The following SMOC2 variants were observed in gnomAD, a reference collection of about 807,000 sequenced individuals.
The protein encoded by SMOC2 is SPARC-related modular calcium-binding protein 2.
In SMOC2, 39 loss-of-function variants were observed where a neutral mutation model predicts 61.4. That is an observed-to-expected ratio of 0.64 (90% CI 0.49 to 0.83). The LOEUF (loss-of-function observed/expected upper bound fraction) is 0.83, where lower values mean the gene tolerates loss of function less well. Among genes scored for constraint, SMOC2 ranks in the 40% least tolerant of loss-of-function variants. The pLI is 0.00. For missense variants in SMOC2, 556 were observed against 592.9 expected, an observed-to-expected ratio of 0.94 and a Z score of 0.65; for synonymous variants, 247 against 239.9, an observed-to-expected ratio of 1.03 and a Z score of -0.27.
Position 168,453,614 on chromosome 6 carries a change from TC to T in SMOC2, c.84+12162del, listed in dbSNP as rs1403586170. ...TCTCTTTCTGTCTGTCTCTGTTTCT[TC>T]CTGTCTCTGTCTCTTTGTCTCTCTC... On this transcript the variant is annotated intron_variant, in intron 1 of 12. Transcript: ENST00000356284. This position sits in a 1 kb window ranked among gnomAD's most constrained non-coding sequence, Gnocchi z 4.4. Among the ~76,000 whole-genome samples the T allele has an allele frequency of 6.6e-6, 1 of 151,872 alleles. No individual in the cohort carries two copies. Among genetic ancestry groups the T allele is most frequent in the Non-Finnish European group, 1.5e-5 (1 of 67,934 alleles).
intron 1 of SMOC2, among the ~76,000 whole-genome samples, chr6:168,450,794 C>T (rs138335692): frequency 1.9e-3 from 292 of 152,292 alleles, no homozygotes; most frequent in African/African-American, 6.4e-3. Flanking sequence ...TAAACCCGAA[C>T]GTGACCTTGT....
chr6:168,653,399 C>T (rs1583189732), intron 11 of SMOC2, among the ~76,000 whole-genome samples, 171 bp downstream of exon 11: 2 of 152,330 alleles, frequency 1.3e-5, no homozygotes, highest in South Asian at 4.1e-4. Context: ...TGATAATTGG[C>T]GACTCATCAC....
intron 9 of SMOC2, among the ~76,000 whole-genome samples, chr6:168,617,184 G>A (rs555941898): frequency 6.6e-6 from 1 of 152,254 alleles, no homozygotes; most frequent in East Asian, 1.9e-4. Context: ...GGGAATGTGG[G>A]AATTCATCAT....
chr6:168,546,251 GAAAAAAAAAA>G (rs143673157), intron 5 of SMOC2, among the ~76,000 whole-genome samples: 1 of 66,456 alleles, frequency 1.5e-5, no homozygotes, highest in Non-Finnish European at 2.9e-5. Flanking sequence ...AAGCTTCAGT[GAAAAAAAAAA>G]AAAAAAAAAA....
In SMOC2 at chr6:168,553,749, G is replaced by A. The variant is rs765511532; in HGVS notation, c.637+4546G>A. 3.3e-5 allele frequency among the ~76,000 whole-genome samples: 5 copies of A among 152,202 alleles called. No homozygotes were observed. The highest frequency in any genetic ancestry group is 4.8e-5 in the African/African-American group (2 of 41,438). On this transcript the variant is annotated intron_variant, in intron 7 of 12. Coordinates refer to ENST00000356284, the MANE Select transcript of SMOC2 (RefSeq NM_001166412.2). This position sits in a 1 kb window ranked among gnomAD's most constrained non-coding sequence, Gnocchi z 4.2. ...GAGGAGGCATCCAGGCTCACGGGAC[G>A]GTTTCTGTATCACGGTTGCCATTTG...
chr6:168,528,268 T>G (rs911293691), intron 4 of SMOC2, among the ~76,000 whole-genome samples: 4 of 16,302 alleles, frequency 2.5e-4, no homozygotes, highest in African/African-American at 3.9e-4. Flanking sequence ...CCCATTAGTG[T>G]TTTTTTTTTT....
Position 168,608,214 on chromosome 6 carries a change from C to G in SMOC2, c.882C>G (p.Asp294Glu), listed in dbSNP as rs1426051898. Reference sequence around the variant, plus strand: ...GGGCCCACCCAGCCAAAGCCCGGGACCTGTACAAGGGCCGCCAGCTACAAG... The same window carrying G: ...GGGCCCACCCAGCCAAAGCCCGGGAGCTGTACAAGGGCCGCCAGCTACAAG... The part of the protein sequence containing the change: ...TARAHPAKAR[D>E]LYKGRQLQGC... The change falls in exon 9 of 13, where the codon GAC becomes GAG. Residue 294 changes from aspartate to glutamate, a missense_variant. By Grantham distance (45) the Asp-to-Glu change is conservative. Transcript: ENST00000356284. The G allele has an allele frequency of 6.2e-7, 1 of 1,613,350 alleles. No individual in the cohort carries two copies. The highest frequency in any genetic ancestry group is 1.3e-5 in the African/African-American group (1 of 74,930).
intron 1 of SMOC2, among the ~76,000 whole-genome samples, chr6:168,476,870 G>A (rs752112737): frequency 1.1e-4 from 16 of 150,966 alleles, no homozygotes; most frequent in Admixed American, 4.6e-4. Context: ...TAGAATTAGC[G>A]TTTCTGCATG....
At chr6:168,502,824 T>C (rs1782765334) in intron 1 of SMOC2, among the ~76,000 whole-genome samples, 1 of 152,086 alleles carries the variant, frequency 6.6e-6, no homozygotes, top group Non-Finnish European at 1.5e-5. Flanking sequence ...TGGAGTGCAG[T>C]GGCACAATCT....
intron 1 of SMOC2, among the ~76,000 whole-genome samples, chr6:168,486,739 G>C (rs528535134): frequency 6.6e-6 from 1 of 151,686 alleles, no homozygotes; most frequent in African/African-American, 2.4e-5. Context: ...ATTCTATTGT[G>C]GTTCAACGGC....
At chr6:168,533,059 A>C (rs576296352) in intron 4 of SMOC2, among the ~76,000 whole-genome samples, 239 of 152,298 alleles carry the variant, frequency 1.6e-3, no homozygotes, top group Non-Finnish European at 2.9e-3. Context: ...GACAGGCAGC[A>C]GTAGGTCAGT....
In SMOC2 at chr6:168,510,041, T is replaced by G; in HGVS notation, c.211T>G (p.Cys71Gly). The stretch of plus-strand genomic sequence containing the variant: ...CCGTTGTGAATTTCAACGTGCCAAG[T>G]GCAAAGATCCCCAGCTAGAGATTGC... Reference protein sequence around the residue: ...LSRCEFQRAKCKDPQLEIAYR... With the variant: ...LSRCEFQRAKGKDPQLEIAYR... The change falls in exon 2 of 13, where the codon TGC becomes GGC. Residue 71 changes from cysteine (C) to glycine (G), a missense_variant. Transcript: ENST00000356284. 6.2e-7 allele frequency: 1 copy of G among 1,614,234 alleles called. No homozygotes were observed. The highest frequency in any genetic ancestry group is 8.5e-7 in the Non-Finnish European group (1 of 1,180,042).
chr6:168,585,895 A>C (rs928992062), intron 7 of SMOC2, among the ~76,000 whole-genome samples: 2 of 152,080 alleles, frequency 1.3e-5, no homozygotes, highest in Non-Finnish European at 2.9e-5. Context: ...TAGCACCTGG[A>C]GTCTTTGTCA....
At chr6:168,607,284 G>T (rs188115106) in intron 8 of SMOC2, among the ~76,000 whole-genome samples, 3 of 152,128 alleles carry the variant, frequency 2.0e-5, no homozygotes, top group Admixed American at 1.3e-4. Flanking sequence ...CGTGGCAGGG[G>T]TCTCCTCCTT....
chr6:168,454,557 AGGCACCTG>A (rs764180078), intron 1 of SMOC2, among the ~76,000 whole-genome samples: 10 of 152,024 alleles, frequency 6.6e-5, no homozygotes, highest in Non-Finnish European at 1.2e-4. Context: ...TGCAGATGGG[AGGCACCTG>A]GGCAGTGAGA....
intron 9 of SMOC2, among the ~76,000 whole-genome samples, 193 bp downstream of exon 9, chr6:168,608,432 A>G (rs1405316561): frequency 6.6e-6 from 1 of 152,206 alleles, no homozygotes; most frequent in African/African-American, 2.4e-5. Context: ...CACGGGGAGC[A>G]CCTGGGGGGC....
In SMOC2 at chr6:168,634,086, C is replaced by T. The variant is rs147960901; in HGVS notation, c.908-16595C>T. On this transcript the variant is annotated intron_variant, in intron 9 of 12. Transcript: ENST00000356284. ...TGAGGTTTTCCTAGACATGGGGAAC[C>T]GTGAGTCCATTCAACCTCTTTCCTT... is the stretch of plus-strand genomic sequence containing the variant. 1.7e-4 allele frequency among the ~76,000 whole-genome samples: 26 copies of T among 152,250 alleles called. No individual in the cohort carries two copies. The East Asian group carries it at 4.6e-3, about 27-fold the overall frequency.
chr6:168,504,071 C>G (rs1013728507), intron 1 of SMOC2, among the ~76,000 whole-genome samples: 2 of 152,078 alleles, frequency 1.3e-5, no homozygotes, highest in Admixed American at 1.3e-4. Context: ...CAGTGGCATC[C>G]TTTCCGATTT....
At chr6:168,581,217 C>A (rs572401172) in intron 7 of SMOC2, among the ~76,000 whole-genome samples, 2 of 152,138 alleles carry the variant, frequency 1.3e-5, no homozygotes, top group African/African-American at 4.8e-5. Flanking sequence ...TTTCTTTGAT[C>A]ATCTTATTTA....
Sources: gnomAD v4.1 joint callset for allele counts (sites outside exome capture counted in the v4.1 genomes callset) on GRCh38, gnomAD v4.1.1 for gene constraint, Gnocchi (gnomAD v3.1) non-coding constraint, MANE v1.5 for transcripts, NCBI Gene and HGNC (gene_info 2026-07-23, HGNC 2026-07-21) for gene names.